Variants in TIAM1 observed in about 807,000 individuals in gnomAD.
The protein encoded by TIAM1 is TIAM Rac1 associated GEF 1, also known as rho guanine nucleotide exchange factor TIAM1.
A neutral mutation model predicts 163.5 loss-of-function variants in TIAM1; 65 were observed. That is an observed-to-expected ratio of 0.40 (90% CI 0.33 to 0.49). The LOEUF is 0.49. Ranked by LOEUF, TIAM1 falls within the 20% of genes least tolerant of loss-of-function variation. The pLI is 0.77. For missense variants in TIAM1, 1,789 were observed against 2,044.7 expected (o/e 0.87, Z 2.41); for synonymous variants, 833 against 810.1 (o/e 1.03, Z -0.48).
At chr21:31,135,888 A>G in intron 23 of TIAM1, 45 bp downstream of exon 23, 1 of 1,544,376 alleles carries the variant, frequency 6.5e-7, no homozygotes, top group Non-Finnish European at 9.0e-7. Context: ...TTTGAAAACT[A>G]AGCTAGACTT....
chr21:31,490,999 C>T (rs1257701194), intron 1 of TIAM1, among the ~76,000 whole-genome samples: 1 of 152,186 alleles, frequency 6.6e-6, no homozygotes, highest in African/African-American at 2.4e-5. Flanking sequence ...GTGGTGCGTG[C>T]CTGTAATCCC....
At chr21:31,484,451 C>T (rs1360231538) in intron 1 of TIAM1, among the ~76,000 whole-genome samples, 1 of 152,188 alleles carries the variant, frequency 6.6e-6, no homozygotes, top group African/African-American at 2.4e-5. Context: ...GCCTCCAAAC[C>T]CAGCTTGCCT....
intron 4 of TIAM1, among the ~76,000 whole-genome samples, chr21:31,263,671 A>G (rs551377732): frequency 6.6e-6 from 1 of 152,238 alleles, no homozygotes; most frequent in Admixed American, 6.5e-5. Context: ...GAGAGCCAAA[A>G]TACAACAGGG....
At chr21:31,525,516 T>C (rs1326442997) in intron 1 of TIAM1, among the ~76,000 whole-genome samples, 1 of 151,732 alleles carries the variant, frequency 6.6e-6, no homozygotes, top group Non-Finnish European at 1.5e-5. Context: ...AGGAAACAAA[T>C]TTCAGCATGA....
chr21:31,158,779 C>A (rs1041090452), intron 16 of TIAM1, among the ~76,000 whole-genome samples: 2 of 151,956 alleles, frequency 1.3e-5, no homozygotes, highest in Non-Finnish European at 2.9e-5. Context: ...CTTTTAAATC[C>A]CCCTCCCTCT....
Position 31,251,956 on chromosome 21 carries a change from C to T in TIAM1, c.1197G>A (p.Glu399=). 1 of 1,613,988 alleles carries T rather than the reference C, an allele frequency of 6.2e-7. No homozygotes were observed. The highest frequency in any genetic ancestry group is 8.5e-7 in the Non-Finnish European group (1 of 1,179,924). ...GCGCCGAGCCGGCCTCCTCCAGGCT[C>T]TCGCTGTTGGTGGTGCTCATCTCCA... The part of the protein sequence containing the change: ...RELEMSTTNS[E]SLEEAGSAHS... The change falls in exon 5 of 28, where the codon GAG becomes GAA. Residue 399 remains glutamate, a synonymous_variant. Coordinates refer to ENST00000541036, the MANE Select transcript of TIAM1 (RefSeq NM_001353694.2).
intron 2 of TIAM1, among the ~76,000 whole-genome samples, chr21:31,460,102 C>T (rs976339464): frequency 9.2e-5 from 14 of 152,140 alleles, no homozygotes; most frequent in Non-Finnish European, 1.5e-4. Context: ...CAGTCTAGCA[C>T]GTGGTAGACT....
chr21:31,438,458 A>C (rs1050050022), intron 2 of TIAM1, among the ~76,000 whole-genome samples: 4 of 151,862 alleles, frequency 2.6e-5, no homozygotes, highest in South Asian at 2.1e-4. Flanking sequence ...TCCCAAAGTG[A>C]TGGGATTACA....
chr21:31,478,568 T>C (rs538053598), intron 1 of TIAM1, among the ~76,000 whole-genome samples: 3 of 152,346 alleles, frequency 2.0e-5, no homozygotes, highest in African/African-American at 4.8e-5. Flanking sequence ...AACATTTCAG[T>C]ATTCACCAGC....
intron 2 of TIAM1, among the ~76,000 whole-genome samples, chr21:31,447,803 T>C (rs537812686): frequency 1.1e-4 from 16 of 152,268 alleles, no homozygotes; most frequent in African/African-American, 2.6e-4. Context: ...ACAACACACA[T>C]GTATATATCT....
intron 6 of TIAM1, among the ~76,000 whole-genome samples, chr21:31,228,845 AT>A (rs367545485): frequency 1.1e-3 from 161 of 152,346 alleles, no homozygotes; most frequent in African/African-American, 3.6e-3. Flanking sequence ...ACGTACAATC[AT>A]GGCAGAAAGG....
intron 2 of TIAM1, among the ~76,000 whole-genome samples, chr21:31,414,564 C>T (rs887751979): frequency 6.6e-6 from 1 of 152,178 alleles, no homozygotes; most frequent in Non-Finnish European, 1.5e-5. Context: ...TGAGGACCCT[C>T]CACCATTTCC....
At chr21:31,466,373 G>C (rs958678213) in intron 1 of TIAM1, among the ~76,000 whole-genome samples, 1 of 152,090 alleles carries the variant, frequency 6.6e-6, no homozygotes, top group Admixed American at 6.6e-5. Flanking sequence ...ATAGGGACAA[G>C]GAACTTGATC....
chr21:31,295,208 C>A (rs1416800769), intron 2 of TIAM1, among the ~76,000 whole-genome samples: 2 of 152,120 alleles, frequency 1.3e-5, no homozygotes, highest in African/African-American at 2.4e-5. Flanking sequence ...CGGTGGCTTA[C>A]GCCTGCAATC....
At chr21:31,258,841 T>C (rs2072278633) in intron 4 of TIAM1, among the ~76,000 whole-genome samples, 1 of 150,964 alleles carries the variant, frequency 6.6e-6, no homozygotes, top group East Asian at 1.9e-4. Flanking sequence ...CAGAAAGATA[T>C]ATTGAACTAT....
intron 2 of TIAM1, among the ~76,000 whole-genome samples, chr21:31,379,823 A>T (rs1162684539): frequency 6.6e-6 from 1 of 152,228 alleles, no homozygotes; most frequent in Non-Finnish European, 1.5e-5. Flanking sequence ...AGAACAGGAA[A>T]TCTATGGAGA....
At chr21:31,477,879 T>C (rs952317295) in intron 1 of TIAM1, among the ~76,000 whole-genome samples, 4 of 152,212 alleles carry the variant, frequency 2.6e-5, no homozygotes, top group African/African-American at 4.8e-5. Flanking sequence ...TGACTCTCCG[T>C]GTCCCAGGCA....
intron 22 of TIAM1, 26 bp from the exon 23 acceptor site, chr21:31,136,067 T>G: frequency 6.3e-7 from 1 of 1,589,834 alleles, no homozygotes; most frequent in East Asian, 2.2e-5. Context: ...GTGACAAAGC[T>G]TACTGGGTGG....
chr21:31,482,749 G>C (rs189523859), intron 1 of TIAM1, among the ~76,000 whole-genome samples: 1 of 152,208 alleles, frequency 6.6e-6, no homozygotes, highest in East Asian at 1.9e-4. Flanking sequence ...GAAGCTTGCC[G>C]GTCCTCAGCT....
Sources: allele counts gnomAD v4.1 joint callset (sites outside exome capture counted in the v4.1 genomes callset), GRCh38; gene constraint gnomAD v4.1.1; transcripts MANE v1.5; gene names NCBI Gene and HGNC (gene_info 2026-07-23, HGNC 2026-07-21).